MIA2: variants seen among roughly 807,000 people sequenced by gnomAD.
MIA2 encodes melanoma inhibitory activity protein 2.
In MIA2, 127 loss-of-function variants were observed where a neutral mutation model predicts 167.8. The observed-to-expected ratio is 0.76, with a 90% CI of 0.66 to 0.88. The LOEUF (loss-of-function observed/expected upper bound fraction) is 0.88, where lower values mean the gene tolerates loss of function less well. Among genes scored for constraint, MIA2 ranks in the 40% least tolerant of loss-of-function variants. The probability of loss-of-function intolerance (pLI) is 0.00; values close to 1 mark genes in which losing one functional copy is unlikely to be tolerated. For synonymous variants in MIA2, 552 were observed against 541.9 expected (o/e 1.02, Z -0.26); for missense variants, 1,690 against 1,624.7 (o/e 1.04, Z -0.69).
At chr14:39,346,678 A>C (rs1348082277) in intron 26 of MIA2, among the ~76,000 whole-genome samples, 1 of 148,364 alleles carries the variant, frequency 6.7e-6, no homozygotes, top group Non-Finnish European at 1.5e-5. Flanking sequence ...AATATATATA[A>C]TAAATAATGT....
Position 39,343,299 on chromosome 14 carries a change from C to A in MIA2, c.3656-2605C>A, listed in dbSNP as rs866350920. 7.9e-5 allele frequency among the ~76,000 whole-genome samples: 12 copies of A among 152,198 alleles called. No individual in the cohort carries two copies. The South Asian group carries it at 1.0e-3, about 13-fold the overall frequency. On this transcript the variant is annotated intron_variant, in intron 25 of 28. Transcript: ENST00000640607. Reference sequence around the variant, plus strand: ...AGCTGGGATCGCAGGCCTGTGCCACCACACCTGGCTAATTTTTTTGTGTTT... The same window carrying A: ...AGCTGGGATCGCAGGCCTGTGCCACAACACCTGGCTAATTTTTTTGTGTTT...
chr14:39,305,673 C>T (rs938499049), intron 17 of MIA2, among the ~76,000 whole-genome samples: 13 of 152,220 alleles, frequency 8.5e-5, no homozygotes, highest in Non-Finnish European at 1.8e-4. Context: ...CGGCGGCTCA[C>T]GCCTATAATC....
At chr14:39,250,405 G>A (rs1456578233) in intron 4 of MIA2, among the ~76,000 whole-genome samples, 2 of 151,828 alleles carry the variant, frequency 1.3e-5, no homozygotes, top group Non-Finnish European at 2.9e-5. Context: ...TTTCTCTAAA[G>A]AAAATATTGG....
intron 23 of MIA2, among the ~76,000 whole-genome samples, chr14:39,380,807 CTCTA>C (rs1367939007): frequency 1.3e-5 from 2 of 151,522 alleles, no homozygotes; most frequent in African/African-American, 2.4e-5. Flanking sequence ...TAAATTTAGT[CTCTA>C]TCTAGATTTC....
At chr14:39,348,338 C>T (rs915610136) in intron 27 of MIA2, among the ~76,000 whole-genome samples, 1 of 152,074 alleles carries the variant, frequency 6.6e-6, no homozygotes, top group Non-Finnish European at 1.5e-5. Context: ...CCCTCCCCAT[C>T]CTTGGATTTT....
intron 23 of MIA2, among the ~76,000 whole-genome samples, chr14:39,364,082 G>A (rs1269791124): frequency 2.0e-5 from 3 of 152,058 alleles, no homozygotes; most frequent in African/African-American, 4.8e-5. Context: ...TTCTGGGGCC[G>A]GGCACGGTGG....
chr14:39,369,472 A>G (rs1480435814), intron 23 of MIA2, among the ~76,000 whole-genome samples: 3 of 152,252 alleles, frequency 2.0e-5, no homozygotes, highest in Non-Finnish European at 4.4e-5. Context: ...TGTGTATAGT[A>G]TAGGGTACAC....
At chr14:39,279,398 G>T (rs747782667) in intron 8 of MIA2, 40 bp downstream of exon 8, 1 of 1,605,354 alleles carries the variant, frequency 6.2e-7, no homozygotes, top group African/African-American at 1.3e-5. Context: ...TTGTTGTGTT[G>T]TAAAAACTTA....
chr14:39,313,548 T>C (rs1863825246), intron 19 of MIA2, 107 bp downstream of exon 19: 1 of 631,772 alleles, frequency 1.6e-6, no homozygotes, highest in African/African-American at 1.9e-5. Flanking sequence ...CATTTTAAAA[T>C]CTGACAGGTG....
At chr14:39,282,469 G>A (rs952878547) in intron 9 of MIA2, among the ~76,000 whole-genome samples, 21 of 152,044 alleles carry the variant, frequency 1.4e-4, no homozygotes, top group Non-Finnish European at 2.9e-4. Flanking sequence ...CCCCTCCAGG[G>A]CAGCTATAAT....
chr14:39,375,590 A>C (rs1329075704), intron 23 of MIA2, among the ~76,000 whole-genome samples: 1 of 152,190 alleles, frequency 6.6e-6, no homozygotes, highest in African/African-American at 2.4e-5. Context: ...CCAGCTACTC[A>C]GGAGGCCAAG....
chr14:39,350,588 C>A lies in MIA2; in HGVS notation c.*324C>A. ...GTCTTTATGCCAAGAACTGTATTTACTGTGGTTGTGGACAAATGTGAAAGT... is the reference window on the plus strand; with the variant it reads ...GTCTTTATGCCAAGAACTGTATTTAATGTGGTTGTGGACAAATGTGAAAGT... On this transcript the variant is annotated 3_prime_UTR_variant, in exon 29 of 29. Coordinates refer to ENST00000640607, the MANE Select transcript of MIA2 (RefSeq NM_001329214.4). 1 of 222,526 alleles carries A rather than the reference C, an allele frequency of 4.5e-6. No individual in the cohort carries two copies. Among genetic ancestry groups the A allele is most frequent in the Non-Finnish European group, 8.7e-6 (1 of 115,202 alleles). 13.8% of individuals were successfully genotyped at this position (222,526 alleles called of 1,614,324 possible). A position where few individuals can be genotyped will look rare whatever the true frequency, so the allele number is the denominator to read the frequency against.
At chr14:39,328,028 G>T (rs191924042) in intron 25 of MIA2, among the ~76,000 whole-genome samples, 31 of 152,234 alleles carry the variant, frequency 2.0e-4, no homozygotes, top group Admixed American at 6.5e-4. Flanking sequence ...AGTTCTAGAT[G>T]CTTGAGGAAT....
At chr14:39,277,461 T>G (rs1403243105) in intron 7 of MIA2, among the ~76,000 whole-genome samples, 1 of 151,406 alleles carries the variant, frequency 6.6e-6, no homozygotes, top group Non-Finnish European at 1.5e-5. Context: ...GGGAAGTCGA[T>G]GCTGCAGTGA....
At chr14:39,258,445 G>C (rs556249422) in intron 6 of MIA2, among the ~76,000 whole-genome samples, 3 of 152,060 alleles carry the variant, frequency 2.0e-5, no homozygotes, top group Non-Finnish European at 4.4e-5. Flanking sequence ...CAGGTCATTT[G>C]TTCCTCTCTA....
At chr14:39,352,040 A>T (rs557091155), downstream of MIA2, among the ~76,000 whole-genome samples, 1 of 152,274 alleles carries the variant, frequency 6.6e-6, no homozygotes, top group South Asian at 2.1e-4. Context: ...ATTTGGCAGT[A>T]ATAGGCTAAT....
intron 25 of MIA2, among the ~76,000 whole-genome samples, chr14:39,343,077 T>C (rs1455707071): frequency 1.3e-5 from 2 of 152,206 alleles, no homozygotes; most frequent in South Asian, 2.1e-4. Flanking sequence ...TTTGTACATA[T>C]GTTCTTTCAA....
chr14:39,283,263 G>T (rs980747382), intron 9 of MIA2, among the ~76,000 whole-genome samples: 13 of 152,156 alleles, frequency 8.5e-5, no homozygotes, highest in African/African-American at 2.4e-4. Context: ...CTGGAAGAAG[G>T]TTTGCTGGAT....
rs2053627927 is a variant in MIA2 at position 39,234,147 on chromosome 14, T to C, written c.33T>C (p.Leu11=). 6.2e-7 allele frequency: 1 copy of C among 1,608,512 alleles called. No homozygotes were observed. Residue 11 remains leucine (L), a synonymous_variant, in exon 1 of 29, where the codon CTT becomes CTC. Coordinates refer to ENST00000640607, the MANE Select transcript of MIA2 (RefSeq NM_001329214.4). Reference sequence around the variant, plus strand: ...AATTTGGCGTTCACAGAATCCTTCTTCTGGCTATTTCTCTGACAAAGTGTC... The same window carrying C: ...AATTTGGCGTTCACAGAATCCTTCTCCTGGCTATTTCTCTGACAAAGTGTC... The part of the protein sequence containing the change: MAKFGVHRIL[L]LAISLTKCLE...
Sources: allele counts gnomAD v4.1 joint callset (sites outside exome capture counted in the v4.1 genomes callset), GRCh38; gene constraint gnomAD v4.1.1; transcripts MANE v1.5; gene names NCBI Gene and HGNC (gene_info 2026-07-23, HGNC 2026-07-21).